The following GALNT18 variants were observed in gnomAD, a reference collection of about 807,000 sequenced individuals.
GALNT18 encodes GalNAc-transferase 18.
Under a neutral mutation model 69.5 loss-of-function variants are expected in GALNT18, and 44 were observed. The observed-to-expected ratio is 0.63, with a 90% CI of 0.50 to 0.81. The LOEUF is 0.81. Among genes scored for constraint, GALNT18 ranks in the 40% least tolerant of loss-of-function variants. GALNT18 has a pLI of 0.00. For synonymous variants in GALNT18, 364 were observed against 318.2 expected, an observed-to-expected ratio of 1.14 and a Z score of -1.53; for missense variants, 715 against 810.0, an observed-to-expected ratio of 0.88 and a Z score of 1.42.
At chr11:11,313,419 C>T (rs968025494) in intron 9 of GALNT18, among the ~76,000 whole-genome samples, 1 of 152,196 alleles carries the variant, frequency 6.6e-6, no homozygotes, top group Non-Finnish European at 1.5e-5. Context: ...AAATTAGATT[C>T]AGTTTTCCTT....
At chr11:11,478,215 A>G (rs1856443966) in intron 1 of GALNT18, among the ~76,000 whole-genome samples, 1 of 152,254 alleles carries the variant, frequency 6.6e-6, no homozygotes. Flanking sequence ...TGGGAGCTGG[A>G]AGGCAATGAA....
chr11:11,462,120 G>C (rs1035444328), intron 1 of GALNT18, among the ~76,000 whole-genome samples: 6 of 152,180 alleles, frequency 3.9e-5, no homozygotes, highest in Non-Finnish European at 5.9e-5. Flanking sequence ...AGCAGTCTGA[G>C]GGGAGGCCTG....
chr11:11,339,930 AT>A lies in GALNT18; in HGVS notation c.1278+888del, dbSNP rs1488539776. 6.6e-6 allele frequency among the ~76,000 whole-genome samples: 1 copy of A among 152,188 alleles called. No homozygotes were observed. The highest frequency in any genetic ancestry group is 1.5e-5 in the Non-Finnish European group (1 of 68,028). ...TTGAGCGAAGATCAATCACTTCCCC[AT>A]TAGAAGCTTCCTAAAGGACTCCAAA... On this transcript the variant is annotated intron_variant, in intron 7 of 10. Transcript: ENST00000227756. This position sits in a 1 kb window ranked among gnomAD's most constrained non-coding sequence, Gnocchi z 5.2.
chr11:11,298,683 G>A (rs1245344649), intron 9 of GALNT18, among the ~76,000 whole-genome samples: 4 of 152,252 alleles, frequency 2.6e-5, no homozygotes, highest in African/African-American at 9.6e-5. Flanking sequence ...AGGGGTCTCA[G>A]GGGCCATTGT....
chr11:11,302,277 T>C (rs535516156), intron 9 of GALNT18, among the ~76,000 whole-genome samples: 125 of 152,230 alleles, frequency 8.2e-4, no homozygotes, highest in African/African-American at 2.7e-3. Flanking sequence ...TGGAGGTGCC[T>C]TGGTGTGGTT....
At chr11:11,278,383 A>AGG (rs1203001493) in intron 10 of GALNT18, among the ~76,000 whole-genome samples, 1 of 149,298 alleles carries the variant, frequency 6.7e-6, no homozygotes, top group Non-Finnish European at 1.5e-5. Context: ...GGGCTGGGGG[A>AGG]GGGATAGCGT....
chr11:11,388,921 T>G (rs918796000), intron 3 of GALNT18, among the ~76,000 whole-genome samples: 12 of 152,242 alleles, frequency 7.9e-5, no homozygotes, highest in Non-Finnish European at 5.9e-5. Flanking sequence ...CCTGCTTCAT[T>G]TATTACTCAT....
At chr11:11,458,300 T>C (rs752374092) in intron 1 of GALNT18, among the ~76,000 whole-genome samples, 10 of 152,160 alleles carry the variant, frequency 6.6e-5, no homozygotes, top group Non-Finnish European at 1.0e-4. Context: ...ATAAAGAAGG[T>C]TTTCCTTTTC....
intron 1 of GALNT18, among the ~76,000 whole-genome samples, chr11:11,460,394 C>G (rs1217252412): frequency 6.6e-6 from 1 of 152,208 alleles, no homozygotes; most frequent in African/African-American, 2.4e-5. Context: ...CCATGTCCAA[C>G]ACTACTCTGA....
chr11:11,615,275 T>A (rs1860016631), intron 1 of GALNT18, among the ~76,000 whole-genome samples: 2 of 152,210 alleles, frequency 1.3e-5, no homozygotes, highest in Admixed American at 1.3e-4. Context: ...GCTCAGGACA[T>A]CTGCTGATTC....
chr11:11,428,934 C>G (rs1005399239), intron 3 of GALNT18, among the ~76,000 whole-genome samples: 2 of 152,122 alleles, frequency 1.3e-5, no homozygotes, highest in Admixed American at 1.3e-4. Flanking sequence ...CATGATGTAA[C>G]TTTATTTCTT....
chr11:11,508,587 T>C lies in GALNT18; in HGVS notation c.236-59651A>G, dbSNP rs1857112614. 2.0e-5 allele frequency among the ~76,000 whole-genome samples: 3 copies of C among 152,358 alleles called. No homozygotes were observed. The South Asian group carries it at 6.2e-4, about 32-fold the overall frequency. ...TATCTGCTTCCCCAAATTGTTGTTGTTTTTTAGTCGCTGCAATTATTGTAA... is the reference window on the plus strand; with the variant it reads ...TATCTGCTTCCCCAAATTGTTGTTGCTTTTTAGTCGCTGCAATTATTGTAA... On this transcript the variant is annotated intron_variant, in intron 1 of 10. Coordinates refer to ENST00000227756, the MANE Select transcript of GALNT18 (RefSeq NM_198516.3).
chr11:11,298,063 A>C (rs1849432036), intron 9 of GALNT18, among the ~76,000 whole-genome samples: 2 of 152,210 alleles, frequency 1.3e-5, no homozygotes, highest in South Asian at 4.1e-4. Flanking sequence ...AGAGCCACAG[A>C]GTCGAGGCTG....
intron 8 of GALNT18, 57 bp from the exon 9 acceptor site, chr11:11,327,238 G>T: frequency 1.6e-6 from 2 of 1,261,178 alleles, no homozygotes; most frequent in Non-Finnish European, 1.2e-6. Flanking sequence ...GAGAGCAAAT[G>T]AATTAACTCT....
chr11:11,284,991 C>T (rs934887010), intron 10 of GALNT18, among the ~76,000 whole-genome samples: 11 of 143,310 alleles, frequency 7.7e-5, no homozygotes, highest in African/African-American at 2.6e-4. Flanking sequence ...CTGCCCAGGG[C>T]TTGTTGTGTG....
chr11:11,489,637 G>A (rs979716746), intron 1 of GALNT18, among the ~76,000 whole-genome samples: 4 of 152,126 alleles, frequency 2.6e-5, no homozygotes, highest in Non-Finnish European at 4.4e-5. Flanking sequence ...GTGACCTTAG[G>A]AATGTTCTTA....
rs1212266242 is a variant in GALNT18, at chr11:11,314,166, C to G, written c.1512+12920G>C. ...AGAGAGGCCTGGGAAGCAAGACTGT[C>G]CAAAGAACGGTGGGTGGAGGGCAAG... On this transcript the variant is annotated intron_variant, in intron 9 of 10. Coordinates refer to ENST00000227756, the MANE Select transcript of GALNT18 (RefSeq NM_198516.3). The surrounding 1 kb of genome is among the most constrained non-coding windows in gnomAD (Gnocchi z 5.2). Among the ~76,000 whole-genome samples, 1 of 152,132 alleles carries G rather than the reference C, an allele frequency of 6.6e-6. No homozygotes were observed. The highest frequency in any genetic ancestry group is 2.4e-5 in the African/African-American group (1 of 41,426).
chr11:11,468,824 G>T (rs764709000), intron 1 of GALNT18, among the ~76,000 whole-genome samples: 38 of 152,320 alleles, frequency 2.5e-4, no homozygotes, highest in East Asian at 7.7e-4. Context: ...ACAGGTGCTG[G>T]TGCTGGAGAA....
chr11:11,314,192 A>C lies in GALNT18; in HGVS notation c.1512+12894T>G, dbSNP rs1173442344. On this transcript the variant is annotated intron_variant, in intron 9 of 10. Coordinates refer to ENST00000227756, the MANE Select transcript of GALNT18 (RefSeq NM_198516.3). The surrounding 1 kb of genome is among the most constrained non-coding windows in gnomAD (Gnocchi z 5.2). Reference sequence around the variant, plus strand: ...CAAAGAACGGTGGGTGGAGGGCAAGAGACTCAGCCCCTCTCTGGTTAGTGA... The same window carrying C: ...CAAAGAACGGTGGGTGGAGGGCAAGCGACTCAGCCCCTCTCTGGTTAGTGA... Among the ~76,000 whole-genome samples, 1 of 152,110 alleles carries C rather than the reference A, an allele frequency of 6.6e-6. No individual in the cohort carries two copies. Among genetic ancestry groups the C allele is most frequent in the East Asian group, 1.9e-4 (1 of 5,184 alleles).
Sources: allele counts gnomAD v4.1 joint callset (sites outside exome capture counted in the v4.1 genomes callset), GRCh38; gene constraint gnomAD v4.1.1; non-coding constraint Gnocchi (gnomAD v3.1); transcripts MANE v1.5; gene names NCBI Gene and HGNC (gene_info 2026-07-23, HGNC 2026-07-21).